PTPRD: variants seen among roughly 807,000 people sequenced by gnomAD.
The protein encoded by PTPRD is protein tyrosine phosphatase receptor type D.
Under a neutral mutation model 214.5 loss-of-function variants are expected in PTPRD, and 34 were observed. That is an observed-to-expected ratio of 0.16 (90% CI 0.12 to 0.21). The LOEUF (loss-of-function observed/expected upper bound fraction) is 0.21, where lower values mean the gene tolerates loss of function less well. Among genes scored for constraint, PTPRD ranks in the 10% least tolerant of loss-of-function variants. PTPRD has a pLI of 1.00. For synonymous variants in PTPRD, 1,128 were observed against 845.7 expected (o/e 1.33, Z -5.79); for missense variants, 2,545 against 2,398.7 (o/e 1.06, Z -1.27).
chr9:10,265,480 GA>G lies in PTPRD; in HGVS notation c.-545+75482del, dbSNP rs560225310. ...CTGAGTTGAATCCTAACTGCTGACA[GA>G]ATTATGAGCTAACAAATGCTTGTTG... On this transcript the variant is annotated intron_variant, in intron 3 of 45. Coordinates refer to ENST00000381196, the MANE Select transcript of PTPRD (RefSeq NM_002839.4). 2.6e-5 allele frequency among the ~76,000 whole-genome samples: 4 copies of G among 152,318 alleles called. No homozygotes were observed. The South Asian group carries it at 6.2e-4, about 24-fold the overall frequency.
At chr9:10,470,564 A>G (rs1328015245) in intron 2 of PTPRD, among the ~76,000 whole-genome samples, 1 of 152,174 alleles carries the variant, frequency 6.6e-6, no homozygotes. Context: ...ACTCCTCAGG[A>G]GAAAAAGAAG....
chr9:9,732,112 T>C (rs2098206585), intron 7 of PTPRD, among the ~76,000 whole-genome samples: 2 of 151,790 alleles, frequency 1.3e-5, no homozygotes, highest in African/African-American at 4.8e-5. Context: ...GAGGAATGAA[T>C]AGGAAATGGG....
chr9:10,318,163 C>T (rs1332992577), intron 3 of PTPRD, among the ~76,000 whole-genome samples: 1 of 151,956 alleles, frequency 6.6e-6, no homozygotes, highest in Non-Finnish European at 1.5e-5. Context: ...GCTCTTCCTG[C>T]ATTCCTTCTG....
chr9:9,646,052 G>C (rs1358034946), intron 7 of PTPRD, among the ~76,000 whole-genome samples: 1 of 152,100 alleles, frequency 6.6e-6, no homozygotes, highest in African/African-American at 2.4e-5. Flanking sequence ...TACAATTCAT[G>C]TTTATTTGTA....
At chr9:10,351,460 T>C (rs2154457986) in intron 2 of PTPRD, among the ~76,000 whole-genome samples, 1 of 152,190 alleles carries the variant, frequency 6.6e-6, no homozygotes, top group South Asian at 2.1e-4. Context: ...TTTGTTCAAA[T>C]GGGACCTCTT....
rs1237540425 is a variant in PTPRD at position 10,341,856 on chromosome 9, GT to G, written c.-599-840del. On this transcript the variant is annotated intron_variant, in intron 2 of 45. Transcript: ENST00000381196. ...ATTCTTTTTTCCCCTCTCCTTTTAT[GT>G]AGTTCCATATGTATTGTTAATATTA... is the stretch of plus-strand genomic sequence containing the variant. 2.9e-3 allele frequency among the ~76,000 whole-genome samples: 445 copies of G among 151,988 alleles called. 1 individual carries two copies. Among genetic ancestry groups the G allele is most frequent in the African/African-American group, 0.01 (422 of 41,498 alleles).
At chr9:9,035,568 G>T (rs778490251) in intron 10 of PTPRD, among the ~76,000 whole-genome samples, 1 of 106,652 alleles carries the variant, frequency 9.4e-6, no homozygotes, top group South Asian at 3.2e-4. Flanking sequence ...AACCCCACCC[G>T]CTTCCTCTCT....
chr9:8,879,188 A>G (rs2098421083), intron 11 of PTPRD, among the ~76,000 whole-genome samples: 1 of 152,202 alleles, frequency 6.6e-6, no homozygotes, highest in Non-Finnish European at 1.5e-5. Flanking sequence ...GCATGAGCTC[A>G]GGAAAATAAG....
chr9:9,435,518 T>C (rs2084894441), intron 8 of PTPRD, among the ~76,000 whole-genome samples: 1 of 152,122 alleles, frequency 6.6e-6, no homozygotes, highest in Non-Finnish European at 1.5e-5. Flanking sequence ...CCTGCCTTTT[T>C]ATTTATTTTT....
At chr9:8,825,334 C>G (rs948901876) in intron 11 of PTPRD, among the ~76,000 whole-genome samples, 7 of 152,038 alleles carry the variant, frequency 4.6e-5, no homozygotes, top group Admixed American at 3.9e-4. Context: ...GGTAAAATAA[C>G]CAATTTTTAA....
At chr9:8,881,634 T>C (rs979887295) in intron 11 of PTPRD, among the ~76,000 whole-genome samples, 1 of 152,138 alleles carries the variant, frequency 6.6e-6, no homozygotes, top group Non-Finnish European at 1.5e-5. Flanking sequence ...TGTGGAAGCA[T>C]AGTATAGTGG....
chr9:9,311,151 G>A (rs551390815), intron 9 of PTPRD, among the ~76,000 whole-genome samples: 1 of 151,946 alleles, frequency 6.6e-6, no homozygotes, highest in African/African-American at 2.4e-5. Context: ...TTGTTTAGTT[G>A]CTTTCATGAA....
chr9:8,957,132 A>C (rs2099135410), intron 11 of PTPRD, among the ~76,000 whole-genome samples: 1 of 151,908 alleles, frequency 6.6e-6, no homozygotes, highest in African/African-American at 2.4e-5. Context: ...CTATGACAAT[A>C]GATGAATCTT....
At chr9:10,574,353 C>G (rs180846483) in intron 2 of PTPRD, among the ~76,000 whole-genome samples, 1 of 152,030 alleles carries the variant, frequency 6.6e-6, no homozygotes, top group Non-Finnish European at 1.5e-5. Context: ...AACCGTTGAA[C>G]TTCAAAATGC....
intron 9 of PTPRD, among the ~76,000 whole-genome samples, chr9:9,195,079 T>C (rs1191039269): frequency 8.5e-6 from 1 of 117,188 alleles, no homozygotes; most frequent in Non-Finnish European, 1.8e-5. Flanking sequence ...CATATGTGTG[T>C]GTTTGTGTAT....
At chr9:8,693,250 C>T (rs2097845859) in intron 12 of PTPRD, among the ~76,000 whole-genome samples, 1 of 152,192 alleles carries the variant, frequency 6.6e-6, no homozygotes, top group Admixed American at 6.5e-5. Context: ...CTTCCTGAAA[C>T]CTTACTCAGT....
rs534540217 is a variant in PTPRD at position 9,626,650 on chromosome 9, G to A, written c.-286-51869C>T. Among the ~76,000 whole-genome samples, 9 of 152,314 alleles carry A rather than the reference G, an allele frequency of 5.9e-5. No individual in the cohort carries two copies. The East Asian group carries it at 1.7e-3, about 29-fold the overall frequency. On this transcript the variant is annotated intron_variant, in intron 7 of 45. Coordinates refer to ENST00000381196, the MANE Select transcript of PTPRD (RefSeq NM_002839.4). ...ATGTTTTAATTCATTGATGAGAACT[G>A]AGTATTTATGACACAAGTACTGTAC...
At chr9:8,732,223 A>C (rs1275731024) in intron 12 of PTPRD, among the ~76,000 whole-genome samples, 1 of 152,218 alleles carries the variant, frequency 6.6e-6, no homozygotes, top group Non-Finnish European at 1.5e-5. Context: ...AGAATTAAGC[A>C]AAGGCATCAC....
intron 12 of PTPRD, among the ~76,000 whole-genome samples, chr9:8,729,500 T>C (rs72702312): frequency 2.0e-5 from 3 of 152,278 alleles, no homozygotes; most frequent in African/African-American, 7.2e-5. Flanking sequence ...AACTGTTTGC[T>C]AAATCTTGTT....
Sources: gnomAD v4.1 joint callset for allele counts (sites outside exome capture counted in the v4.1 genomes callset) on GRCh38, gnomAD v4.1.1 for gene constraint, MANE v1.5 for transcripts, NCBI Gene and HGNC (gene_info 2026-07-23, HGNC 2026-07-21) for gene names.